Variants in BMP5 observed in about 807,000 individuals in gnomAD.
The protein encoded by BMP5 is bone morphogenetic protein 5.
A neutral mutation model predicts 46.6 loss-of-function variants in BMP5; 23 were observed. The observed-to-expected ratio is 0.49, with a 90% CI of 0.35 to 0.70. The LOEUF is 0.70. BMP5 is among the 30% of genes least tolerant of loss of function. The pLI, the probability that BMP5 is intolerant of heterozygous loss-of-function variation, is 0.00. For missense variants in BMP5, 545 were observed against 565.6 expected (o/e 0.96, Z 0.37); for synonymous variants, 204 against 191.9 (o/e 1.06, Z -0.52).
intron 2 of BMP5, among the ~76,000 whole-genome samples, chr6:55,802,866 T>C (rs1390633530): frequency 6.6e-6 from 1 of 151,378 alleles, no homozygotes. Flanking sequence ...TGATAGTAGC[T>C]AATCACATAT....
chr6:55,802,821 T>C (rs1031944164), intron 2 of BMP5, among the ~76,000 whole-genome samples: 9 of 151,206 alleles, frequency 6.0e-5, no homozygotes, highest in Non-Finnish European at 1.3e-4. Flanking sequence ...TCCCCTTTTC[T>C]TCCCCATCTA....
intron 1 of BMP5, among the ~76,000 whole-genome samples, chr6:55,851,743 G>A (rs991936800): frequency 6.6e-6 from 1 of 152,132 alleles, no homozygotes; most frequent in East Asian, 1.9e-4. Flanking sequence ...TTAAACACTT[G>A]TCATGGCCAC....
chr6:55,761,348 A>C (rs956280252), intron 4 of BMP5, among the ~76,000 whole-genome samples: 1 of 152,080 alleles, frequency 6.6e-6, no homozygotes, highest in Non-Finnish European at 1.5e-5. Context: ...TGGACCTTTT[A>C]ACAAGTAAAC....
intron 1 of BMP5, among the ~76,000 whole-genome samples, chr6:55,874,001 C>G (rs1777843239): frequency 6.6e-6 from 1 of 151,898 alleles, no homozygotes; most frequent in African/African-American, 2.4e-5. Flanking sequence ...AAAAAAAGTG[C>G]TTCCGAATGT....
intron 2 of BMP5, among the ~76,000 whole-genome samples, chr6:55,817,176 G>T (rs1192600465): frequency 2.6e-5 from 4 of 152,188 alleles, no homozygotes; most frequent in Non-Finnish European, 4.4e-5. Context: ...TTCAACCATT[G>T]TGGAAGATAC....
At chr6:55,774,772 A>C (rs1185632161) in intron 3 of BMP5, among the ~76,000 whole-genome samples, 1 of 151,984 alleles carries the variant, frequency 6.6e-6, no homozygotes, top group African/African-American at 2.4e-5. Context: ...GCTGCACTAC[A>C]CTTAAAGTTC....
chr6:55,868,998 A>C (rs1456595482), intron 1 of BMP5, among the ~76,000 whole-genome samples: 5 of 152,188 alleles, frequency 3.3e-5, no homozygotes, highest in African/African-American at 1.2e-4. Context: ...TACTTAGAAC[A>C]AGGGATTCAT....
At chr6:55,772,760 C>A (rs1468025590) in intron 4 of BMP5, 1 of 985,016 alleles carries the variant, frequency 1.0e-6, no homozygotes, top group African/African-American at 1.7e-5. Flanking sequence ...TTATAAGCAG[C>A]ATTTAATTCA....
At chr6:55,821,483 A>T (rs994587325) in intron 1 of BMP5, among the ~76,000 whole-genome samples, 1 of 152,104 alleles carries the variant, frequency 6.6e-6, no homozygotes, top group African/African-American at 2.4e-5. Flanking sequence ...CACTGCACCC[A>T]GTTGGAAGCA....
chr6:55,800,914 A>T (rs1398487932), intron 2 of BMP5, among the ~76,000 whole-genome samples: 3 of 152,134 alleles, frequency 2.0e-5, no homozygotes, highest in Admixed American at 2.0e-4. Flanking sequence ...CCATAACTCA[A>T]TTGCTTTCCT....
intron 1 of BMP5, among the ~76,000 whole-genome samples, chr6:55,858,969 G>A (rs763866803): frequency 1.3e-5 from 2 of 152,144 alleles, no homozygotes; most frequent in Non-Finnish European, 1.5e-5. Context: ...GCCTGTCGGC[G>A]AGTAGGGGGC....
At chr6:55,867,439 C>T (rs920008945) in intron 1 of BMP5, among the ~76,000 whole-genome samples, 7 of 152,250 alleles carry the variant, frequency 4.6e-5, no homozygotes, top group Middle Eastern at 3.4e-3. Context: ...AACATTATAA[C>T]ATCATTTAAA....
At chr6:55,759,172 A>AAAAC in intron 5 of BMP5, 57 bp from the exon 6 acceptor site, 3 of 738,654 alleles carry the variant, frequency 4.1e-6, no homozygotes, top group East Asian at 3.6e-5. Flanking sequence ...AAAAAAAAAA[A>AAAAC]AAAAAAAAAA....
At chr6:55,766,557 A>G (rs1774921334) in intron 4 of BMP5, among the ~76,000 whole-genome samples, 1 of 152,034 alleles carries the variant, frequency 6.6e-6, no homozygotes, top group South Asian at 2.1e-4. Flanking sequence ...CATTGCTTGG[A>G]GTATTATACT....
At chr6:55,867,538 T>C (rs1777677926) in intron 1 of BMP5, among the ~76,000 whole-genome samples, 1 of 152,088 alleles carries the variant, frequency 6.6e-6, no homozygotes, top group Admixed American at 6.6e-5. Context: ...CGGGAAGGGA[T>C]GAATGGGACA....
intron 5 of BMP5, 51 bp from the exon 6 acceptor site, chr6:55,759,166 AAAAAAAAAAAAAAAAAAC>A (rs1562023464): frequency 1.3e-5 from 11 of 849,602 alleles, no homozygotes; most frequent in African/African-American, 2.0e-5. Flanking sequence ...AAAAAAAAAA[AAAAAAAAAAAAAAAAAAC>A]AACAAGAAAA....
chr6:55,775,955 T>C (rs1311630034), intron 3 of BMP5, among the ~76,000 whole-genome samples: 1 of 149,672 alleles, frequency 6.7e-6, no homozygotes, highest in African/African-American at 2.5e-5. Context: ...TTAGACAGCA[T>C]AGGTATCCTC....
At chr6:55,778,389 G>A (rs571962400) in intron 3 of BMP5, among the ~76,000 whole-genome samples, 3 of 152,054 alleles carry the variant, frequency 2.0e-5, no homozygotes, top group African/African-American at 7.2e-5. Flanking sequence ...CTTGCTGGTG[G>A]CAGTTAGACC....
intron 1 of BMP5, among the ~76,000 whole-genome samples, chr6:55,848,935 C>G (rs1310254809): frequency 2.6e-5 from 4 of 152,016 alleles, no homozygotes; most frequent in Admixed American, 2.6e-4. Context: ...TATTCAGTAA[C>G]AGAGAATAAA....
Sources: allele counts gnomAD v4.1 joint callset (sites outside exome capture counted in the v4.1 genomes callset), GRCh38; gene constraint gnomAD v4.1.1; transcripts MANE v1.5; gene names NCBI Gene and HGNC (gene_info 2026-07-23, HGNC 2026-07-21).